The following E2F3 variants were observed in gnomAD, a reference collection of about 807,000 sequenced individuals.
E2F3 encodes the protein transcription factor E2F3.
E2F3 carries 11 observed loss-of-function variants against 44.4 expected under a neutral mutation model. The observed-to-expected ratio is 0.25, with a 90% confidence interval of 0.16 to 0.41. E2F3 has a LOEUF of 0.41. Ranked by LOEUF, E2F3 falls within the 10% of genes least tolerant of loss-of-function variation. E2F3 has a pLI of 1.00. For missense variants in E2F3, 487 were observed against 583.6 expected (o/e 0.83, Z 1.70); for synonymous variants, 249 against 253.0 (o/e 0.98, Z 0.15).
In E2F3 at chr6:20,402,684, G is replaced by A; in HGVS notation, c.393+59G>A. 4 of 1,283,402 alleles carry A rather than the reference G, an allele frequency of 3.1e-6. No individual in the cohort carries two copies. The highest frequency in any genetic ancestry group is 1.6e-5 in the African/African-American group (1 of 64,300). 79.5% of individuals were successfully genotyped at this position (1,283,402 alleles called of 1,614,324 possible). On this transcript the variant is annotated intron_variant, in intron 1 of 6. Coordinates refer to ENST00000346618, the MANE Select transcript of E2F3 (RefSeq NM_001949.5). This position sits in a 1 kb window ranked among gnomAD's most constrained non-coding sequence, Gnocchi z 5.6. ...GGCGGGAGGTGGGCTCGCACCGCGC[G>A]GGGTCGTGGGCGCGCTGCGGGCCGC...
intron 1 of E2F3, among the ~76,000 whole-genome samples, chr6:20,455,091 T>C (rs1017892666): frequency 6.6e-6 from 1 of 152,194 alleles, no homozygotes; most frequent in Non-Finnish European, 1.5e-5. Context: ...ATAAGAATTA[T>C]AAGAGGGACC....
chr6:20,475,244 C>T (rs796946882), intron 1 of E2F3, among the ~76,000 whole-genome samples: 5 of 152,212 alleles, frequency 3.3e-5, no homozygotes, highest in African/African-American at 9.7e-5. Flanking sequence ...TGCTTAGTAA[C>T]GAGAGTTACA....
Position 20,402,735 on chromosome 6 carries a change from C to A in E2F3, c.393+110C>A. On this transcript the variant is annotated intron_variant, in intron 1 of 6. Coordinates refer to ENST00000346618, the MANE Select transcript of E2F3 (RefSeq NM_001949.5). The surrounding 1 kb of genome is among the most constrained non-coding windows in gnomAD (Gnocchi z 5.6). ...TCGGGGAGAGCACTGGGCCGAGCAT[C>A]GTGGGCCTCGGGGGCTGCCCCTCCA... is the stretch of plus-strand genomic sequence containing the variant. 2 of 1,250,226 alleles carry A rather than the reference C, an allele frequency of 1.6e-6. No homozygotes were observed. Among genetic ancestry groups the A allele is most frequent in the Non-Finnish European group, 2.0e-6 (2 of 999,056 alleles). 77.4% of individuals were successfully genotyped at this position (1,250,226 alleles called of 1,614,324 possible).
rs555013352 is a variant in E2F3, at chr6:20,462,364, C to T, written c.394-17482C>T. ...GCAGTGTCCCATTTGTAATATATGA[C>T]ATCTTCATGTATGTGTGGAGCTGTG... On this transcript the variant is annotated intron_variant, in intron 1 of 6. Coordinates refer to ENST00000346618, the MANE Select transcript of E2F3 (RefSeq NM_001949.5). 8.5e-5 allele frequency among the ~76,000 whole-genome samples: 13 copies of T among 152,066 alleles called. No homozygotes were observed. The South Asian group carries it at 2.3e-3, about 27-fold the overall frequency.
intron 5 of E2F3, 22 bp downstream of exon 5, chr6:20,486,825 TC>T: frequency 6.8e-7 from 1 of 1,474,836 alleles, no homozygotes. Context: ...GCGTCTTTGT[TC>T]ATCTGCAAAG....
chr6:20,403,234 G>T lies in E2F3; in HGVS notation c.393+609G>T, dbSNP rs993212495. ...TGGAGGGGAGTCGGGCGTGGGGGAG[G>T]TGGGGCTGGAAGCCGGGTGCGGACT... is the stretch of plus-strand genomic sequence containing the variant. On this transcript the variant is annotated intron_variant, in intron 1 of 6. Coordinates refer to ENST00000346618, the MANE Select transcript of E2F3 (RefSeq NM_001949.5). 2.0e-5 allele frequency among the ~76,000 whole-genome samples: 3 copies of T among 152,060 alleles called. No individual in the cohort carries two copies. The East Asian group carries it at 5.9e-4, about 30-fold the overall frequency.
Position 20,490,627 on chromosome 6 carries a change from T to G in E2F3, c.*197T>G. The G allele has an allele frequency of 2.0e-6, 1 of 495,098 alleles. No homozygotes were observed. The allele number at this position is 495,098 out of a possible 1,614,324, so 30.7% of individuals were successfully genotyped here. A position where few individuals can be genotyped will look rare whatever the true frequency, so the allele number is the denominator to read the frequency against. ...TAAACAAATTGTCTAAACGCACAGT[T>G]GCAGGCTCCCTTGGGAAAGCCCTGC... On this transcript the variant is annotated 3_prime_UTR_variant, in exon 7 of 7. Coordinates refer to ENST00000346618, the MANE Select transcript of E2F3 (RefSeq NM_001949.5). The surrounding 1 kb of genome is among the most constrained non-coding windows in gnomAD (Gnocchi z 4.3).
intron 1 of E2F3, among the ~76,000 whole-genome samples, chr6:20,441,123 C>A (rs926953444): frequency 6.6e-6 from 1 of 152,048 alleles, no homozygotes; most frequent in Non-Finnish European, 1.5e-5. Flanking sequence ...TTTTTTTCAC[C>A]GTCTCTAACA....
At chr6:20,460,928 G>C (rs1025928843) in intron 1 of E2F3, among the ~76,000 whole-genome samples, 1 of 126,558 alleles carries the variant, frequency 7.9e-6, no homozygotes, top group African/African-American at 3.0e-5. Flanking sequence ...CCCAGGAGAT[G>C]GAAGTTCCAG....
intron 1 of E2F3, among the ~76,000 whole-genome samples, chr6:20,452,020 A>G (rs759390640): frequency 2.0e-5 from 3 of 151,602 alleles, no homozygotes; most frequent in Non-Finnish European, 2.9e-5. Flanking sequence ...TTATTTTTTC[A>G]TTGTGTCTCT....
At chr6:20,462,333 G>T (rs923142851) in intron 1 of E2F3, among the ~76,000 whole-genome samples, 1 of 152,030 alleles carries the variant, frequency 6.6e-6, no homozygotes, top group Non-Finnish European at 1.5e-5. Context: ...ATTCTTTGCA[G>T]TATCTGCAGT....
At chr6:20,455,625 C>A (rs1313500310) in intron 1 of E2F3, among the ~76,000 whole-genome samples, 1 of 152,156 alleles carries the variant, frequency 6.6e-6, no homozygotes, top group Non-Finnish European at 1.5e-5. Flanking sequence ...AAGAGAGAGT[C>A]GAAGATTAAG....
chr6:20,420,009 G>A (rs1759971921), intron 1 of E2F3, among the ~76,000 whole-genome samples: 1 of 152,152 alleles, frequency 6.6e-6, no homozygotes, highest in African/African-American at 2.4e-5. Flanking sequence ...GGGACTAGTG[G>A]CGCATGCCAT....
intron 1 of E2F3, among the ~76,000 whole-genome samples, chr6:20,417,345 A>G (rs961919821): frequency 1.3e-5 from 2 of 152,210 alleles, no homozygotes; most frequent in African/African-American, 2.4e-5. Context: ...ATAAAAACCA[A>G]TAAAGGCATT....
intron 1 of E2F3, among the ~76,000 whole-genome samples, chr6:20,441,269 G>GT (rs1197576656): frequency 6.6e-6 from 1 of 152,090 alleles, no homozygotes; most frequent in Non-Finnish European, 1.5e-5. Flanking sequence ...TTACCCTTCT[G>GT]TATCTGCCTT....
At position 20,490,486 on chromosome 6, in the gene E2F3, A is replaced by G; in HGVS notation, c.*56A>G. On this transcript the variant is annotated 3_prime_UTR_variant, in exon 7 of 7. Coordinates refer to ENST00000346618, the MANE Select transcript of E2F3 (RefSeq NM_001949.5). The surrounding 1 kb of genome is among the most constrained non-coding windows in gnomAD (Gnocchi z 4.3). Reference sequence around the variant, plus strand: ...CGATATTTTTTTATCATGGAACCAGAACATCTGTCATGCAGTGTTGTCCCT... The same window carrying G: ...CGATATTTTTTTATCATGGAACCAGGACATCTGTCATGCAGTGTTGTCCCT... 1.3e-6 allele frequency: 2 copies of G among 1,506,918 alleles called. No homozygotes were observed. Among genetic ancestry groups the G allele is most frequent in the Non-Finnish European group, 1.8e-6 (2 of 1,122,708 alleles). The allele number at this position is 1,506,918 out of a possible 1,614,324, so 93.3% of individuals were successfully genotyped here.
intron 4 of E2F3, among the ~76,000 whole-genome samples, chr6:20,483,307 C>A (rs531522209): frequency 6.6e-6 from 1 of 152,150 alleles, no homozygotes; most frequent in Non-Finnish European, 1.5e-5. Context: ...TCGTCTTTGG[C>A]TTCCCAGATT....
At position 20,462,438 on chromosome 6, in the gene E2F3, CT is replaced by C. The variant is rs1178272162; in HGVS notation, c.394-17407del. Reference sequence around the variant, plus strand: ...TTGGTCTATTTACCTATCGGTATGCCTGTACATATTTCACTAATTCTTTTTT... The same window carrying C: ...TTGGTCTATTTACCTATCGGTATGCCGTACATATTTCACTAATTCTTTTTT... On this transcript the variant is annotated intron_variant, in intron 1 of 6. Coordinates refer to ENST00000346618, the MANE Select transcript of E2F3 (RefSeq NM_001949.5). Among the ~76,000 whole-genome samples the C allele has an allele frequency of 2.6e-5, 4 of 151,098 alleles. No homozygotes were observed. The East Asian group carries it at 7.7e-4, about 29-fold the overall frequency.
chr6:20,403,958 G>C, intron 1 of E2F3: 1 of 531,112 alleles, frequency 1.9e-6, no homozygotes, highest in Middle Eastern at 2.8e-4. Flanking sequence ...TTGGGTGCTC[G>C]AGGGAAATGA....
Sources: gnomAD v4.1 joint callset for allele counts (sites outside exome capture counted in the v4.1 genomes callset) on GRCh38, gnomAD v4.1.1 for gene constraint, Gnocchi (gnomAD v3.1) non-coding constraint, MANE v1.5 for transcripts, NCBI Gene and HGNC (gene_info 2026-07-23, HGNC 2026-07-21) for gene names.